The following ETV3L variants were observed in gnomAD, a reference collection of about 807,000 sequenced individuals.
The protein encoded by ETV3L is ETS translocation variant 3-like protein.
Under a neutral mutation model 27.6 loss-of-function variants are expected in ETV3L, and 30 were observed. That is an observed-to-expected ratio of 1.09 (90% CI 0.81 to 1.48). The LOEUF (loss-of-function observed/expected upper bound fraction) is 1.48, where lower values mean the gene tolerates loss of function less well. ETV3L is among the 40% of genes most tolerant of loss of function. ETV3L has a pLI of 0.00. For synonymous variants in ETV3L, 186 were observed against 188.9 expected, an observed-to-expected ratio of 0.98 and a Z score of 0.12; for missense variants, 443 against 455.6, an observed-to-expected ratio of 0.97 and a Z score of 0.25.
Position 157,099,335 on chromosome 1 carries a change from T to G in ETV3L, c.102A>C (p.Pro34=). 5 of 1,614,148 alleles carry G rather than the reference T, an allele frequency of 3.1e-6. No homozygotes were observed. The highest frequency in any genetic ancestry group is 4.2e-6 in the Non-Finnish European group (5 of 1,180,028). Residue 34 remains proline, a synonymous_variant, in exon 2 of 5, where the codon CCA becomes CCC. Transcript: ENST00000454449. ...GCCACAGCTGGATCTGCCGGGAGCC[T>G]GGGGACGACTCGGCTTTGTAGGCCC... is the stretch of plus-strand genomic sequence containing the variant. ...PDWAYKAESS[P]GSRQIQLWHF... is the part of the protein sequence containing the mutation.
chr1:157,096,292 A>G (rs543410048), intron 4 of ETV3L, among the ~76,000 whole-genome samples: 1 of 152,318 alleles, frequency 6.6e-6, no homozygotes, highest in East Asian at 1.9e-4. Flanking sequence ...ATAATCACTT[A>G]TCGATCATTA....
At position 157,099,798 on chromosome 1, in the gene ETV3L, C is replaced by T; in HGVS notation, c.-275G>A. 1.7e-6 allele frequency: 1 copy of T among 571,612 alleles called. No individual in the cohort carries two copies. Among genetic ancestry groups the T allele is most frequent in the Non-Finnish European group, 3.1e-6 (1 of 322,664 alleles). The allele number at this position is 571,612 out of a possible 1,614,324, so 35.4% of individuals were successfully genotyped here. A position where few individuals can be genotyped will look rare whatever the true frequency, so the allele number is the denominator to read the frequency against. The stretch of plus-strand genomic sequence containing the variant: ...CTGGGGACCTCCCCGCTGCCCAGGG[C>T]TGACTCGGACTCAGGGCTTCCGGCT... On this transcript the variant is annotated 5_prime_UTR_variant, in exon 1 of 5. Transcript: ENST00000454449.
Position 157,099,572 on chromosome 1 carries a change from AC to A in ETV3L, c.-50del. ...GTGTCTGGGCCTTGGGGAAATGGTC[AC>A]CACTTAAGAGGAAGGGAAGGAAGGA... On this transcript the variant is annotated 5_prime_UTR_variant, in exon 1 of 5. An upstream open reading frame in the 5' UTR loses its in-frame stop. Coordinates refer to ENST00000454449, the MANE Select transcript of ETV3L (RefSeq NM_001004341.2). 1 of 1,535,830 alleles carries A rather than the reference AC, an allele frequency of 6.5e-7. No homozygotes were observed. Among genetic ancestry groups the A allele is most frequent in the Non-Finnish European group, 8.9e-7 (1 of 1,125,216 alleles).
chr1:157,093,424 AGATT>A (rs1674160741), intron 4 of ETV3L, among the ~76,000 whole-genome samples: 2 of 151,118 alleles, frequency 1.3e-5, no homozygotes, highest in South Asian at 4.2e-4. Context: ...TTTTTTGTAT[AGATT>A]GAGTCTCGCC....
intron 4 of ETV3L, among the ~76,000 whole-genome samples, chr1:157,094,490 A>C (rs948991069): frequency 2.0e-5 from 3 of 152,228 alleles, no homozygotes; most frequent in Non-Finnish European, 4.4e-5. Context: ...ATAGAACTTC[A>C]CATCACTTTC....
chr1:157,098,207 C>T (rs945995018), intron 3 of ETV3L, among the ~76,000 whole-genome samples: 5 of 152,090 alleles, frequency 3.3e-5, no homozygotes, highest in Non-Finnish European at 7.4e-5. Context: ...AGCGATTCTC[C>T]TGCCTCAGCC....
intron 4 of ETV3L, among the ~76,000 whole-genome samples, chr1:157,095,699 G>T (rs1674206138): frequency 6.6e-6 from 1 of 152,074 alleles, no homozygotes; most frequent in Non-Finnish European, 1.5e-5. Context: ...GACTGTTCAG[G>T]TGCTATTTAG....
At position 157,099,663 on chromosome 1, in the gene ETV3L, G is replaced by C; in HGVS notation, c.-140C>G. 11 of 690,490 alleles carry C rather than the reference G, an allele frequency of 1.6e-5. No homozygotes were observed. The highest frequency in any genetic ancestry group is 2.2e-5 in the Non-Finnish European group (9 of 405,160). The allele number at this position is 690,490 out of a possible 1,614,324, so 42.8% of individuals were successfully genotyped here. A position where few individuals can be genotyped will look rare whatever the true frequency, so the allele number is the denominator to read the frequency against. On this transcript the variant is annotated 5_prime_UTR_variant, in exon 1 of 5. Transcript: ENST00000454449. ...GGGAAAGAAGGAAGGAAGGGAGAGG[G>C]TCAGGAAAGAAAGAGAGAAAAGGGA...
At chr1:157,096,603 TACAC>T (rs1164774152) in intron 4 of ETV3L, among the ~76,000 whole-genome samples, 1 of 152,118 alleles carries the variant, frequency 6.6e-6, no homozygotes, top group Non-Finnish European at 1.5e-5. Flanking sequence ...ACCCAAACTC[TACAC>T]ACACACAGTC....
chr1:157,097,470 CAAA>C (rs150226645), intron 4 of ETV3L, among the ~76,000 whole-genome samples: 4 of 102,890 alleles, frequency 3.9e-5, no homozygotes, highest in Non-Finnish European at 1.9e-5. Context: ...GACTCCGTCT[CAAA>C]AAAAAAAAAA....
rs754958862 is a variant in ETV3L, at chr1:157,092,528, CT to C, written c.*120del. 4 of 872,016 alleles carry C rather than the reference CT, an allele frequency of 4.6e-6. No homozygotes were observed. The highest frequency in any genetic ancestry group is 7.0e-6 in the Non-Finnish European group (4 of 570,806). The allele number at this position is 872,016 out of a possible 1,614,324, so 54.0% of individuals were successfully genotyped here. A position where few individuals can be genotyped will look rare whatever the true frequency, so the allele number is the denominator to read the frequency against. On this transcript the variant is annotated 3_prime_UTR_variant, in exon 5 of 5. Coordinates refer to ENST00000454449, the MANE Select transcript of ETV3L (RefSeq NM_001004341.2). ...CCCCACCTTGGGTCCAACTCCACCCCTTCAAATCCTGCAATTTCAGCCCATG... is the reference window on the plus strand; with the variant it reads ...CCCCACCTTGGGTCCAACTCCACCCCTCAAATCCTGCAATTTCAGCCCATG...
Position 157,092,572 on chromosome 1 carries a change from G to A in ETV3L, c.*77C>T, listed in dbSNP as rs1176536. The A allele has an allele frequency of 0.34, 430,696 of 1,278,058 alleles. 76,550 individuals are homozygous for A. Among genetic ancestry groups the A allele is most frequent in the Middle Eastern group, 0.44 (1,863 of 4,222 alleles). The allele number at this position is 1,278,058 out of a possible 1,614,324, so 79.2% of individuals were successfully genotyped here. A position where few individuals can be genotyped will look rare whatever the true frequency, so the allele number is the denominator to read the frequency against. On this transcript the variant is annotated 3_prime_UTR_variant, in exon 5 of 5. Transcript: ENST00000454449. ...AGCCCATGTCCAGCCAGGGGAAGGGGCTAACCCAGAGGCGGTGGGCAAGAG... is the reference window on the plus strand; with the variant it reads ...AGCCCATGTCCAGCCAGGGGAAGGGACTAACCCAGAGGCGGTGGGCAAGAG...
intron 4 of ETV3L, among the ~76,000 whole-genome samples, chr1:157,093,405 A>G (rs1674160491): frequency 6.6e-6 from 1 of 151,662 alleles, no homozygotes. Context: ...TGCCTGGCTA[A>G]TTTTTGTGTT....
chr1:157,092,929 A>G lies in ETV3L; in HGVS notation c.806T>C (p.Ile269Thr), dbSNP rs1674144373. 1.9e-6 allele frequency: 3 copies of G among 1,613,946 alleles called. No homozygotes were observed. Among genetic ancestry groups the G allele is most frequent in the African/African-American group, 1.3e-5 (1 of 74,926 alleles). Residue 269 changes from isoleucine (I) to threonine (T), a missense_variant, in exon 5 of 5, where the codon ATC becomes ACC. Ile to Thr is a moderately conservative substitution (Grantham distance 89). Coordinates refer to ENST00000454449, the MANE Select transcript of ETV3L (RefSeq NM_001004341.2). ...QQLPGAFKPDILLPGPRSLPG... is the reference protein window; with the variant it reads ...QQLPGAFKPDTLLPGPRSLPG... ...GAGGCTCCTAGGTCCTGGGAGCAGG[A>G]TGTCTGGCTTAAAAGCCCCTGGGAG...
rs755144775 is a variant in ETV3L at position 157,092,750 on chromosome 1, C to T, written c.985G>A (p.Val329Ile). ...EAKGGLDPRE[V>I]FCPETRRLKT... Reference sequence around the variant, plus strand: ...AGTCTGCGGGTCTCTGGGCAGAAGACCTCCCTGGGATCCAGGCCTCCCTTT... The same window carrying T: ...AGTCTGCGGGTCTCTGGGCAGAAGATCTCCCTGGGATCCAGGCCTCCCTTT... Residue 329 changes from valine to isoleucine, a missense_variant, in exon 5 of 5, where the codon GTC becomes ATC. Val to Ile is a conservative substitution (Grantham distance 29). Transcript: ENST00000454449. The T allele has an allele frequency of 2.4e-5, 38 of 1,614,070 alleles. No homozygotes were observed. The highest frequency in any genetic ancestry group is 4.4e-5 in the South Asian group (4 of 91,090).
At chr1:157,098,427 C>T (rs370265088) in intron 3 of ETV3L, among the ~76,000 whole-genome samples, 73 of 152,230 alleles carry the variant, frequency 4.8e-4, no homozygotes, top group African/African-American at 1.2e-3. Flanking sequence ...CCCACTGCCA[C>T]GGCTGCCTAC....
Position 157,097,893 on chromosome 1 carries a change from C to T in ETV3L, c.582G>A (p.Lys194=). 1 of 1,613,416 alleles carries T rather than the reference C, an allele frequency of 6.2e-7. No individual in the cohort carries two copies. Among genetic ancestry groups the T allele is most frequent in the Non-Finnish European group, 8.5e-7 (1 of 1,179,806 alleles). ...GGTAGACGCTGCTGCTGCTCCCCTT[C>T]TTATCCCCAGAGGTCTCTGGTGGCC... The part of the protein sequence containing the change: ...PRGPPETSGD[K]KGSSSSVYRL... Residue 194 remains lysine (K), a synonymous_variant, in exon 4 of 5, where the codon AAG becomes AAA. Transcript: ENST00000454449.
rs779380430 is a variant in ETV3L at position 157,092,861 on chromosome 1, G to A, written c.874C>T (p.Leu292=). 2.1e-5 allele frequency: 34 copies of A among 1,614,058 alleles called. 1 individual carries two copies. The South Asian group carries it at 3.6e-4, about 17-fold the overall frequency. Residue 292 remains leucine (L), a synonymous_variant, in exon 5 of 5, where the codon CTG becomes TTG. Coordinates refer to ENST00000454449, the MANE Select transcript of ETV3L (RefSeq NM_001004341.2). The part of the protein sequence containing the change: ...HFPGLPLLAG[L]GQGAGERLWL... ...AGCCTCTCACCCGCACCCTGTCCCA[G>A]CCCTGCCAAGAGAGGAAGCCCTGGA...
At position 157,092,523 on chromosome 1, in the gene ETV3L, C is replaced by CA; in HGVS notation, c.*125dup. 1.2e-6 allele frequency: 1 copy of CA among 818,872 alleles called. No homozygotes were observed. The highest frequency in any genetic ancestry group is 1.8e-5 in the South Asian group (1 of 54,270). 50.7% of individuals were successfully genotyped at this position (818,872 alleles called of 1,614,324 possible). Reference sequence around the variant, plus strand: ...ATGCTCCCCACCTTGGGTCCAACTCCACCCCTTCAAATCCTGCAATTTCAG... The same window carrying CA: ...ATGCTCCCCACCTTGGGTCCAACTCCAACCCCTTCAAATCCTGCAATTTCAG... On this transcript the variant is annotated 3_prime_UTR_variant, in exon 5 of 5. Coordinates refer to ENST00000454449, the MANE Select transcript of ETV3L (RefSeq NM_001004341.2).
Sources: allele counts gnomAD v4.1 joint callset (sites outside exome capture counted in the v4.1 genomes callset), GRCh38; gene constraint gnomAD v4.1.1; transcripts MANE v1.5; gene names NCBI Gene and HGNC (gene_info 2026-07-23, HGNC 2026-07-21).